The following SEM1 variants were observed in gnomAD, a reference collection of about 807,000 sequenced individuals.
SEM1 encodes the protein 26S proteasome complex subunit SEM1.
Under a neutral mutation model 12.7 loss-of-function variants are expected in SEM1, and 3 were observed. The ratio of observed to expected loss-of-function variants is 0.24; its 90% CI spans 0.11 to 0.61. The LOEUF (loss-of-function observed/expected upper bound fraction) is 0.61, where lower values mean the gene tolerates loss of function less well. Among genes scored for constraint, SEM1 ranks in the 20% least tolerant of loss-of-function variants. The pLI, the probability that SEM1 is intolerant of heterozygous loss-of-function variation, is 0.88. For synonymous variants in SEM1, 30 were observed against 27.8 expected, an observed-to-expected ratio of 1.08 and a Z score of -0.25; for missense variants, 59 against 81.3, an observed-to-expected ratio of 0.73 and a Z score of 1.06.
At position 96,553,958 on chromosome 7, in the gene SEM1, T is replaced by C. The variant is rs1401450842; in HGVS notation, c.171-47260A>G. On this transcript the variant is annotated intron_variant and NMD_transcript_variant, in intron 2 of 3. Coordinates refer to the SEM1 transcript ENST00000466986. The stretch of plus-strand genomic sequence containing the variant: ...AGGTATTTTATTCTCTTTGAAGCAA[T>C]TGTGAATGGGAGTTCACTCATGATT... Among the ~76,000 whole-genome samples the C allele has an allele frequency of 8.6e-5, 13 of 151,852 alleles. No individual in the cohort carries two copies. The East Asian group carries it at 1.2e-3, about 14-fold the overall frequency.
intron 1 of SEM1, among the ~76,000 whole-genome samples, chr7:96,488,318 C>T (rs1165415530): frequency 6.6e-6 from 1 of 152,140 alleles, no homozygotes; most frequent in Non-Finnish European, 1.5e-5. Context: ...ACTTAGTCTA[C>T]TTAATACTTT....
At chr7:96,563,926 C>G (rs1369023601) in intron 2 of SEM1, among the ~76,000 whole-genome samples, 2 of 151,960 alleles carry the variant, frequency 1.3e-5, no homozygotes, top group African/African-American at 4.8e-5. Context: ...TAACTGCTTT[C>G]CAAATCTGAT....
chr7:96,498,338 C>T (rs772908272), upstream of SEM1, among the ~76,000 whole-genome samples: 3 of 150,714 alleles, frequency 2.0e-5, no homozygotes, highest in Admixed American at 6.6e-5. Flanking sequence ...AAAAATTACA[C>T]GTCGTTTTGT....
At chr7:96,684,697 G>C (rs1242712580), downstream of SEM1, among the ~76,000 whole-genome samples, 1 of 152,008 alleles carries the variant, frequency 6.6e-6, no homozygotes, top group African/African-American at 2.4e-5. Flanking sequence ...GAAGACTGGA[G>C]GAAAGATCAG....
chr7:96,666,090 G>C (rs1467265253), intron 2 of SEM1, among the ~76,000 whole-genome samples: 3 of 152,212 alleles, frequency 2.0e-5, no homozygotes, highest in Non-Finnish European at 4.4e-5. Flanking sequence ...GACCTGCTTA[G>C]CAACTTTAAT....
At chr7:96,709,552 T>A in intron 1 of SEM1, 136 bp downstream of exon 1, 1 of 784,498 alleles carries the variant, frequency 1.3e-6, no homozygotes, top group East Asian at 2.5e-5. Flanking sequence ...GGGTGAGCGT[T>A]AGCGCCTCGA....
At chr7:96,679,619 T>G (rs1456734833) in intron 2 of SEM1, among the ~76,000 whole-genome samples, 2 of 152,114 alleles carry the variant, frequency 1.3e-5, no homozygotes, top group African/African-American at 4.8e-5. Context: ...TATTTCTTAG[T>G]CATTAGTGAT....
chr7:96,491,289 A>T (rs1468778663), intron 1 of SEM1, among the ~76,000 whole-genome samples: 1 of 152,228 alleles, frequency 6.6e-6, no homozygotes, highest in African/African-American at 2.4e-5. Context: ...ATGATATTTT[A>T]AAAATTCTTT....
intron 2 of SEM1, among the ~76,000 whole-genome samples, chr7:96,584,127 A>G (rs1160866890): frequency 6.6e-6 from 1 of 151,998 alleles, no homozygotes; most frequent in Non-Finnish European, 1.5e-5. Context: ...TTCCATGTTT[A>G]GTGCTTCCTT....
chr7:96,578,717 A>G (rs1191766956), intron 2 of SEM1, among the ~76,000 whole-genome samples: 2 of 152,246 alleles, frequency 1.3e-5, no homozygotes, highest in African/African-American at 4.8e-5. Context: ...AATTCTTTTC[A>G]TAGAAAGCAT....
chr7:96,518,537 T>G (rs1329638449), intron 2 of SEM1, among the ~76,000 whole-genome samples: 1 of 152,134 alleles, frequency 6.6e-6, no homozygotes, highest in African/African-American at 2.4e-5. Context: ...ACTGTCCATA[T>G]CTCTAATTAC....
At chr7:96,635,977 T>C (rs1808413872) in intron 2 of SEM1, among the ~76,000 whole-genome samples, 1 of 152,112 alleles carries the variant, frequency 6.6e-6, no homozygotes, top group Non-Finnish European at 1.5e-5. Context: ...GGTAGTATAA[T>C]GTGTATTTTC....
At chr7:96,553,552 A>G (rs1264898678) in intron 2 of SEM1, among the ~76,000 whole-genome samples, 1 of 151,984 alleles carries the variant, frequency 6.6e-6, no homozygotes, top group African/African-American at 2.4e-5. Context: ...CCATTGATCT[A>G]TATCTCTGTT....
At chr7:96,685,127 C>T (rs145766729), downstream of SEM1, among the ~76,000 whole-genome samples, 174 of 152,148 alleles carry the variant, frequency 1.1e-3, no homozygotes, top group Middle Eastern at 0.017. Context: ...ACAGTGCAGA[C>T]GACAACATGC....
intron 2 of SEM1, among the ~76,000 whole-genome samples, chr7:96,551,507 C>A (rs1227374438): frequency 6.6e-6 from 1 of 151,844 alleles, no homozygotes; most frequent in African/African-American, 2.4e-5. Flanking sequence ...CAAGACCAGC[C>A]TGGCCAACAT....
intron 2 of SEM1, among the ~76,000 whole-genome samples, chr7:96,547,144 A>T (rs1322231748): frequency 6.6e-6 from 1 of 152,100 alleles, no homozygotes; most frequent in African/African-American, 2.4e-5. Context: ...ACCCCAAACG[A>T]CTGCAGCTTG....
At chr7:96,547,249 G>A (rs1267740888) in intron 2 of SEM1, among the ~76,000 whole-genome samples, 1 of 152,076 alleles carries the variant, frequency 6.6e-6, no homozygotes, top group Non-Finnish European at 1.5e-5. Flanking sequence ...TGGTCTAGAG[G>A]ACATTTAGGA....
chr7:96,484,131 T>A, intron 3 of SEM1: 1 of 815,262 alleles, frequency 1.2e-6, no homozygotes, highest in Non-Finnish European at 1.8e-6. Flanking sequence ...GAGGTATAAC[T>A]GTTAAGTAAG....
chr7:96,559,768 G>A (rs543605403), intron 2 of SEM1, among the ~76,000 whole-genome samples: 10 of 152,252 alleles, frequency 6.6e-5, no homozygotes, highest in African/African-American at 2.4e-4. Flanking sequence ...CCTTAAGTTA[G>A]GCAGGGCCAA....
Sources: gnomAD v4.1 joint callset for allele counts (sites outside exome capture counted in the v4.1 genomes callset) on GRCh38, gnomAD v4.1.1 for gene constraint, MANE v1.5 for transcripts, NCBI Gene and HGNC (gene_info 2026-07-23, HGNC 2026-07-21) for gene names.